MTREX: variants seen among roughly 807,000 people sequenced by gnomAD.
The protein encoded by MTREX is Mtr4 exosome RNA helicase, also known as exosome RNA helicase MTR4.
In MTREX, 76 loss-of-function variants were observed where a neutral mutation model predicts 135.4. The ratio of observed to expected loss-of-function variants is 0.56; its 90% confidence interval spans 0.47 to 0.68. The LOEUF (loss-of-function observed/expected upper bound fraction) is 0.68, where lower values mean the gene tolerates loss of function less well. Ranked by LOEUF, MTREX falls within the 30% of genes least tolerant of loss-of-function variation. The pLI is 0.00. For missense variants in MTREX, 920 were observed against 1,262.1 expected (o/e 0.73, Z 4.11); for synonymous variants, 404 against 401.6 (o/e 1.01, Z -0.07).
At chr5:55,422,781 T>C in intron 25 of MTREX, 97 bp from the exon 26 acceptor site, 1 of 836,188 alleles carries the variant, frequency 1.2e-6, no homozygotes, top group East Asian at 2.7e-5. Context: ...CAAAGTACTA[T>C]TAATTATCGT....
At chr5:55,323,020 T>C (rs183040000) in intron 2 of MTREX, among the ~76,000 whole-genome samples, 7 of 152,346 alleles carry the variant, frequency 4.6e-5, no homozygotes. Flanking sequence ...TTTACAACTT[T>C]GCTCCTCCCT....
At position 55,424,822 on chromosome 5, in the gene MTREX, TACAGTTG is replaced by T. The variant is rs1364700823; in HGVS notation, c.*53_*59del. ...TTAAATTATTGACCACCTGTTTGATTACAGTTGACTACAAATGCCTGCAAGTGTGGAT... is the reference window on the plus strand; with the variant it reads ...TTAAATTATTGACCACCTGTTTGATTACTACAAATGCCTGCAAGTGTGGAT... On this transcript the variant is annotated 3_prime_UTR_variant, in exon 27 of 27. Transcript: ENST00000230640. 4 of 1,283,778 alleles carry T rather than the reference TACAGTTG, an allele frequency of 3.1e-6. No homozygotes were observed. Among genetic ancestry groups the T allele is most frequent in the Non-Finnish European group, 4.5e-6 (4 of 881,092 alleles). The allele number at this position is 1,283,778 out of a possible 1,614,324, so 79.5% of individuals were successfully genotyped here.
chr5:55,347,107 C>G lies in MTREX; in HGVS notation c.1203C>G (p.Ala401=), dbSNP rs779797108. Residue 401 remains alanine, a synonymous_variant, in exon 11 of 27, where the codon GCC becomes GCG. Transcript: ENST00000230640. ...IFSFSKKDCE[A]YALQMTKLDF... Reference sequence around the variant, plus strand: ...GTTTTAGTAAGAAAGATTGTGAAGCCTATGCACTTCAAATGACCAAATTAG... The same window carrying G: ...GTTTTAGTAAGAAAGATTGTGAAGCGTATGCACTTCAAATGACCAAATTAG... The G allele has an allele frequency of 1.7e-5, 28 of 1,606,660 alleles. No individual in the cohort carries two copies. The highest frequency in any genetic ancestry group is 2.4e-5 in the Non-Finnish European group (28 of 1,176,276).
At chr5:55,395,951 T>C (rs1336778874) in intron 19 of MTREX, among the ~76,000 whole-genome samples, 1 of 152,308 alleles carries the variant, frequency 6.6e-6, no homozygotes, top group East Asian at 1.9e-4. Flanking sequence ...AAAGACATTA[T>C]TGTGAAAGAG....
At position 55,409,092 on chromosome 5, in the gene MTREX, C is replaced by T. The variant is rs141519112; in HGVS notation, c.2646-1432C>T. Among the ~76,000 whole-genome samples the T allele has an allele frequency of 5.7e-3, 870 of 152,192 alleles. 7 individuals carry two copies. Among genetic ancestry groups the T allele is most frequent in the Non-Finnish European group, 1.0e-2 (678 of 68,004 alleles). On this transcript the variant is annotated intron_variant, in intron 22 of 26. Coordinates refer to ENST00000230640, the MANE Select transcript of MTREX (RefSeq NM_015360.5). ...TCAGCCTCCTGAGTAGCTGGGACTA[C>T]AGGCGTGTGCCACCACGCTCAGCTT...
chr5:55,354,372 A>G (rs1031383625), intron 14 of MTREX, among the ~76,000 whole-genome samples: 13 of 152,178 alleles, frequency 8.5e-5, no homozygotes, highest in Non-Finnish European at 1.6e-4. Context: ...GGTGAAAGGA[A>G]AGTGATGGAA....
At chr5:55,399,746 C>T (rs982971661) in intron 20 of MTREX, among the ~76,000 whole-genome samples, 2 of 152,316 alleles carry the variant, frequency 1.3e-5, no homozygotes, top group Non-Finnish European at 2.9e-5. Flanking sequence ...CTCGGCCTCC[C>T]AAAGTGCTGG....
intron 8 of MTREX, 92 bp downstream of exon 8, chr5:55,343,547 TC>T: frequency 1.8e-6 from 2 of 1,092,108 alleles, no homozygotes; most frequent in Non-Finnish European, 2.6e-6. Context: ...CCTGATGTTG[TC>T]CAGAATAATA....
At chr5:55,365,235 A>G (rs541250012) in intron 15 of MTREX, among the ~76,000 whole-genome samples, 7 of 152,338 alleles carry the variant, frequency 4.6e-5, no homozygotes, top group African/African-American at 1.7e-4. Context: ...TTGCAAAATT[A>G]TAAAGTAGAT....
intron 1 of MTREX, among the ~76,000 whole-genome samples, chr5:55,314,654 A>C (rs1749168803): frequency 6.6e-6 from 1 of 152,196 alleles, no homozygotes. Context: ...TGGTCTTGTA[A>C]GACCTATATT....
chr5:55,347,730 G>T (rs902818594), intron 11 of MTREX, among the ~76,000 whole-genome samples: 2 of 152,220 alleles, frequency 1.3e-5, no homozygotes, highest in African/African-American at 2.4e-5. Flanking sequence ...GCTGAGACTA[G>T]TGCATTTTCA....
intron 5 of MTREX, among the ~76,000 whole-genome samples, chr5:55,338,219 T>TAC (rs1749584992): frequency 6.6e-6 from 1 of 152,174 alleles, no homozygotes; most frequent in Non-Finnish European, 1.5e-5. Context: ...AAATATTTCT[T>TAC]ACAGAGTAGT....
intron 1 of MTREX, among the ~76,000 whole-genome samples, chr5:55,321,463 A>T (rs1749288953): frequency 6.6e-6 from 1 of 151,828 alleles, no homozygotes; most frequent in African/African-American, 2.4e-5. Context: ...CCGGAAGATC[A>T]TTTTCTCATT....
intron 16 of MTREX, among the ~76,000 whole-genome samples, chr5:55,376,961 C>T (rs1183501837): frequency 1.3e-5 from 2 of 151,928 alleles, no homozygotes; most frequent in Non-Finnish European, 2.9e-5. Flanking sequence ...ATCTCAGCTA[C>T]TCAGGAGGCT....
chr5:55,404,610 T>C (rs1750772399), intron 21 of MTREX, among the ~76,000 whole-genome samples: 2 of 152,124 alleles, frequency 1.3e-5, no homozygotes, highest in Non-Finnish European at 2.9e-5. Context: ...GCTGCTGGGA[T>C]TGGTACTTTT....
At chr5:55,327,437 C>T (rs1322277207) in intron 3 of MTREX, 5 of 292,404 alleles carry the variant, frequency 1.7e-5, no homozygotes, top group Non-Finnish European at 2.6e-5. Context: ...GTAGTAGTTT[C>T]GACTTTAAAA....
At chr5:55,402,872 G>GTGTGTGTGTGTGTGTGTGTGTA (rs70992784) in intron 21 of MTREX, among the ~76,000 whole-genome samples, 1 of 138,778 alleles carries the variant, frequency 7.2e-6, no homozygotes, top group Non-Finnish European at 1.5e-5. Context: ...GTGTGTGTGT[G>GTGTGTGTGTGTGTGTGTGTGTA]TATATATATA....
intron 1 of MTREX, among the ~76,000 whole-genome samples, chr5:55,315,585 A>G (rs1336152979): frequency 6.6e-6 from 1 of 152,204 alleles, no homozygotes. Context: ...GGCATAGAGC[A>G]ATAGTTAATC....
intron 18 of MTREX, among the ~76,000 whole-genome samples, chr5:55,384,387 T>G (rs938968392): frequency 6.6e-6 from 1 of 152,226 alleles, no homozygotes; most frequent in Non-Finnish European, 1.5e-5. Context: ...TTCATCGATA[T>G]GTTCTGTTTG....
Sources: allele counts gnomAD v4.1 joint callset (sites outside exome capture counted in the v4.1 genomes callset), GRCh38; gene constraint gnomAD v4.1.1; transcripts MANE v1.5; gene names NCBI Gene and HGNC (gene_info 2026-07-23, HGNC 2026-07-21).